Variants in STK39 observed in about 807,000 individuals in gnomAD.
The protein encoded by STK39 is STE20/SPS1-related proline-alanine-rich protein kinase.
STK39 carries 20 observed loss-of-function variants against 77.8 expected under a neutral mutation model. The observed-to-expected ratio is 0.26, with a 90% CI of 0.18 to 0.37. The LOEUF (loss-of-function observed/expected upper bound fraction) is 0.37. Among genes scored for constraint, STK39 ranks in the 10% least tolerant of loss-of-function variants. STK39 has a pLI of 1.00. For synonymous variants in STK39, 246 were observed against 234.1 expected, an observed-to-expected ratio of 1.05 and a Z score of -0.47; for missense variants, 479 against 656.5, an observed-to-expected ratio of 0.73 and a Z score of 2.95.
intron 16 of STK39, among the ~76,000 whole-genome samples, chr2:168,000,337 G>A (rs1459839409): frequency 6.6e-6 from 1 of 152,050 alleles, no homozygotes; most frequent in African/African-American, 2.4e-5. Context: ...AAATTTTCAT[G>A]AGCACTAAAG....
intron 13 of STK39, among the ~76,000 whole-genome samples, chr2:168,064,706 T>C (rs897010143): frequency 6.6e-6 from 1 of 152,220 alleles, no homozygotes; most frequent in Admixed American, 6.5e-5. Flanking sequence ...GTACAACCAC[T>C]TTGAGAACAA....
chr2:168,074,297 G>A (rs1686017899), intron 12 of STK39, among the ~76,000 whole-genome samples: 1 of 152,146 alleles, frequency 6.6e-6, no homozygotes, highest in Non-Finnish European at 1.5e-5. Flanking sequence ...TTAATTACTA[G>A]GTCTGTAAAA....
At chr2:168,054,340 C>A (rs967291777) in intron 14 of STK39, among the ~76,000 whole-genome samples, 1 of 152,210 alleles carries the variant, frequency 6.6e-6, no homozygotes, top group Non-Finnish European at 1.5e-5. Context: ...TATTTCATGA[C>A]TTTAAACCTT....
At chr2:168,148,306 A>G (rs538824343) in intron 5 of STK39, among the ~76,000 whole-genome samples, 1 of 152,232 alleles carries the variant, frequency 6.6e-6, no homozygotes, top group East Asian at 1.9e-4. Flanking sequence ...CCATCATCAG[A>G]ATGTCACCAG....
chr2:168,176,813 A>G (rs1284941224), intron 2 of STK39, among the ~76,000 whole-genome samples: 2 of 152,162 alleles, frequency 1.3e-5, no homozygotes, highest in Non-Finnish European at 1.5e-5. Context: ...TTTACAGTAG[A>G]TTTCTGCTAT....
At chr2:168,120,056 C>A (rs777793389) in intron 10 of STK39, among the ~76,000 whole-genome samples, 12 of 152,158 alleles carry the variant, frequency 7.9e-5, no homozygotes, top group Non-Finnish European at 1.8e-4. Context: ...TTTTAAAATC[C>A]TGTAACCCTT....
intron 1 of STK39, among the ~76,000 whole-genome samples, chr2:168,218,967 A>T (rs79107712): frequency 0.049 from 7,377 of 151,984 alleles, 304 homozygotes; most frequent in East Asian, 0.2. Flanking sequence ...AGACGAAATA[A>T]GCTATAATTA....
intron 14 of STK39, among the ~76,000 whole-genome samples, chr2:168,053,025 C>T (rs1395465040): frequency 6.6e-6 from 1 of 152,202 alleles, no homozygotes; most frequent in African/African-American, 2.4e-5. Context: ...ACTGGGCTTA[C>T]TCAGTTCTGT....
chr2:167,956,296 C>T (rs188175916), intron 17 of STK39, among the ~76,000 whole-genome samples: 363 of 152,318 alleles, frequency 2.4e-3, no homozygotes, highest in African/African-American at 8.1e-3. Context: ...TGGCGGCTCA[C>T]GCCTGTAATC....
At chr2:167,984,508 G>C (rs983622188) in intron 16 of STK39, among the ~76,000 whole-genome samples, 1 of 152,206 alleles carries the variant, frequency 6.6e-6, no homozygotes, top group East Asian at 1.9e-4. Context: ...CTGAAGCTGG[G>C]CATCAGGGAC....
chr2:168,067,851 A>G (rs559780728), intron 12 of STK39, among the ~76,000 whole-genome samples: 1 of 152,280 alleles, frequency 6.6e-6, no homozygotes, highest in Non-Finnish European at 1.5e-5. Context: ...GGGAAGGTGT[A>G]TTAGTCCGGT....
chr2:168,176,902 A>C (rs1308535753), intron 2 of STK39, among the ~76,000 whole-genome samples: 2 of 152,186 alleles, frequency 1.3e-5, no homozygotes, highest in Non-Finnish European at 2.9e-5. Context: ...TTTTTATTTA[A>C]GTGAATTGAA....
rs751619631 is a variant in STK39, at chr2:168,075,211, T to C, written c.1110A>G (p.Ser370=). The C allele has an allele frequency of 1.2e-6, 2 of 1,614,090 alleles. No homozygotes were observed. Among genetic ancestry groups the C allele is most frequent in the Non-Finnish European group, 1.7e-6 (2 of 1,180,030 alleles). The change falls in exon 11 of 18, where the codon TCA becomes TCG. Residue 370 remains serine, a synonymous_variant. Coordinates refer to ENST00000355999, the MANE Select transcript of STK39 (RefSeq NM_013233.3). ...RAKKVRRVPG[S]SGHLHKTEDG... ...CTTCGGTTTTATGAAGGTGACCACT[T>C]GACCCAGGAACTCTTCTTACCTGAA...
chr2:168,194,481 T>G (rs917546809), intron 1 of STK39, among the ~76,000 whole-genome samples: 6 of 152,204 alleles, frequency 3.9e-5, no homozygotes, highest in Middle Eastern at 6.8e-3. Flanking sequence ...ATTCCCTCTA[T>G]CTCATAACAT....
intron 12 of STK39, among the ~76,000 whole-genome samples, chr2:168,070,501 T>A (rs1391796808): frequency 2.0e-5 from 3 of 151,968 alleles, no homozygotes; most frequent in Non-Finnish European, 4.4e-5. Context: ...AACGTGCAGG[T>A]TTGTTACATA....
chr2:168,163,516 C>A (rs955893196), intron 4 of STK39: 1 of 836,826 alleles, frequency 1.2e-6, no homozygotes, highest in Non-Finnish European at 1.4e-6. Flanking sequence ...ACTTTTTTCC[C>A]ATCTATTTAG....
intron 10 of STK39, among the ~76,000 whole-genome samples, chr2:168,118,789 C>T (rs1250058092): frequency 6.6e-6 from 1 of 152,148 alleles, no homozygotes; most frequent in Non-Finnish European, 1.5e-5. Context: ...AGGCTTTTTA[C>T]AGACTGGTAA....
intron 17 of STK39, among the ~76,000 whole-genome samples, chr2:167,957,526 C>T (rs1691821013): frequency 6.6e-6 from 1 of 152,182 alleles, no homozygotes; most frequent in Non-Finnish European, 1.5e-5. Context: ...ATCATCCCTT[C>T]TCTCTCATGT....
chr2:168,094,098 C>T lies in STK39; in HGVS notation c.1090-18867G>A, dbSNP rs1686598076. Reference sequence around the variant, plus strand: ...CAGGGTCCTCCCCAGCCCTCCCCAGCATGCTGTGCGCCATTCCAACCCAGC... The same window carrying T: ...CAGGGTCCTCCCCAGCCCTCCCCAGTATGCTGTGCGCCATTCCAACCCAGC... On this transcript the variant is annotated intron_variant, in intron 10 of 17. Coordinates refer to ENST00000355999, the MANE Select transcript of STK39 (RefSeq NM_013233.3). 2.6e-5 allele frequency among the ~76,000 whole-genome samples: 4 copies of T among 152,206 alleles called. No homozygotes were observed. In the South Asian group the frequency reaches 8.3e-4, roughly 31 times the overall value.
Sources: gnomAD v4.1 joint callset for allele counts (sites outside exome capture counted in the v4.1 genomes callset) on GRCh38, gnomAD v4.1.1 for gene constraint, MANE v1.5 for transcripts, NCBI Gene and HGNC (gene_info 2026-07-23, HGNC 2026-07-21) for gene names.